The following IGSF21 variants were observed in gnomAD, a reference collection of about 807,000 sequenced individuals.
IGSF21 encodes immunoglobin superfamily member 21.
In IGSF21, 28 loss-of-function variants were observed where a neutral mutation model predicts 46.8. That is an observed-to-expected ratio of 0.60 (90% confidence interval 0.44 to 0.82). IGSF21 has a LOEUF of 0.82. Ranked by LOEUF, IGSF21 falls within the 40% of genes least tolerant of loss-of-function variation. The pLI, the probability that IGSF21 is intolerant of heterozygous loss-of-function variation, is 0.00. For missense variants in IGSF21, 624 were observed against 665.5 expected, an observed-to-expected ratio of 0.94 and a Z score of 0.69; for synonymous variants, 284 against 273.6, an observed-to-expected ratio of 1.04 and a Z score of -0.38.
Position 18,209,024 on chromosome 1 carries a change from T to TGGGGA in IGSF21, c.71-18871_71-18867dup, listed in dbSNP as rs1281801084. ...TTATCGTGGGGGTGAAGGTAGTGAC[T>TGGGGA]GGGGAGGAAGGAGAAGGTGGGAACT... On this transcript the variant is annotated intron_variant, in intron 1 of 9. Coordinates refer to ENST00000251296, the MANE Select transcript of IGSF21 (RefSeq NM_032880.5). Among the ~76,000 whole-genome samples, 7 of 152,224 alleles carry TGGGGA rather than the reference T, an allele frequency of 4.6e-5. No homozygotes were observed. The East Asian group carries it at 1.4e-3, about 29-fold the overall frequency.
chr1:18,359,499 G>C, intron 4 of IGSF21, among the ~76,000 whole-genome samples: 1 of 81,486 alleles, frequency 1.2e-5, no homozygotes, highest in Non-Finnish European at 2.6e-5. Flanking sequence ...AAGGAAGGAA[G>C]GAAGGAAGGA....
Position 18,128,701 on chromosome 1 carries a change from A to G in IGSF21, c.70+20503A>G, listed in dbSNP as rs1217455219. On this transcript the variant is annotated intron_variant, in intron 1 of 9. Coordinates refer to ENST00000251296, the MANE Select transcript of IGSF21 (RefSeq NM_032880.5). The stretch of plus-strand genomic sequence containing the variant: ...TTTGCAGATGAGGAGACTGAGACTC[A>G]GAGATGAAACTCCCCTAGTGGGTTT... Among the ~76,000 whole-genome samples, 3 of 152,192 alleles carry G rather than the reference A, an allele frequency of 2.0e-5. No homozygotes were observed. In the East Asian group the frequency reaches 5.8e-4, roughly 29 times the overall value.
chr1:18,108,985 A>ACTGTGTGTGTGT (rs148662186), intron 1 of IGSF21, among the ~76,000 whole-genome samples: 2 of 127,800 alleles, frequency 1.6e-5, no homozygotes, highest in Admixed American at 7.7e-5. Context: ...TGAGCAGCTC[A>ACTGTGTGTGTGT]GTGTGTGTGT....
At position 18,292,758 on chromosome 1, in the gene IGSF21, A is replaced by T. The variant is rs545861508; in HGVS notation, c.305+771A>T. 1.3e-3 allele frequency among the ~76,000 whole-genome samples: 205 copies of T among 152,212 alleles called. 4 individuals are homozygous for T. Among genetic ancestry groups the T allele is most frequent in the African/African-American group, 4.6e-3 (193 of 41,532 alleles). On this transcript the variant is annotated intron_variant, in intron 3 of 9. Coordinates refer to ENST00000251296, the MANE Select transcript of IGSF21 (RefSeq NM_032880.5). The stretch of plus-strand genomic sequence containing the variant: ...TCAGCCTTCAGAACCCCACTCCAGC[A>T]ATTCCACCCATGGGAGCCCTCACCT...
intron 2 of IGSF21, among the ~76,000 whole-genome samples, chr1:18,277,681 A>C (rs937585695): frequency 1.3e-5 from 2 of 152,254 alleles, no homozygotes; most frequent in African/African-American, 4.8e-5. Context: ...TTGACATGGA[A>C]TACTACTCAG....
In IGSF21 at chr1:18,365,259, G is replaced by A; in HGVS notation, c.577G>A (p.Val193Met). 1.2e-6 allele frequency: 2 copies of A among 1,612,010 alleles called. No homozygotes were observed. The highest frequency in any genetic ancestry group is 1.7e-6 in the Non-Finnish European group (2 of 1,178,798). The change falls in exon 6 of 10, where the codon GTG becomes ATG. Residue 193 changes from valine (V) to methionine (M), a missense_variant. Physicochemically the swap from Val to Met is conservative, Grantham distance 21. Transcript: ENST00000251296. This position sits in a 1 kb window ranked among gnomAD's most constrained non-coding sequence, Gnocchi z 4.8. ...FKRDGEPIDA[V>M]PLSEPPAASS... ...ACGAGATGGGGAACCAATCGACGCA[G>A]TGCCCCTATCAGAGCCACCAGCTGC...
At chr1:18,118,904 C>T (rs2086209936) in intron 1 of IGSF21, among the ~76,000 whole-genome samples, 1 of 143,638 alleles carries the variant, frequency 7.0e-6, no homozygotes. Flanking sequence ...CTTTCCTTCC[C>T]TCCCTCCCTC....
In IGSF21 at chr1:18,324,689, A is replaced by G. The variant is rs143094097; in HGVS notation, c.306-10203A>G. Reference sequence around the variant, plus strand: ...TTCTCCATGTACATTCTGTGCTCACAAGACAGGTCCCTTAGCTCAAGGGAG... The same window carrying G: ...TTCTCCATGTACATTCTGTGCTCACGAGACAGGTCCCTTAGCTCAAGGGAG... On this transcript the variant is annotated intron_variant, in intron 3 of 9. Coordinates refer to ENST00000251296, the MANE Select transcript of IGSF21 (RefSeq NM_032880.5). Among the ~76,000 whole-genome samples the G allele has an allele frequency of 1.4e-3, 217 of 152,244 alleles. 2 individuals are homozygous for G. Among genetic ancestry groups the G allele is most frequent in the African/African-American group, 4.9e-3 (202 of 41,554 alleles).
At chr1:18,262,297 C>T (rs185222646) in intron 2 of IGSF21, among the ~76,000 whole-genome samples, 24 of 152,208 alleles carry the variant, frequency 1.6e-4, no homozygotes, top group South Asian at 1.0e-3. Context: ...TTCTGGCGAC[C>T]GGATAAAGAA....
chr1:18,187,795 G>C (rs1290678264), intron 1 of IGSF21, among the ~76,000 whole-genome samples: 1 of 152,068 alleles, frequency 6.6e-6, no homozygotes, highest in East Asian at 1.9e-4. Context: ...TTCTGGGGGG[G>C]TGGGGGAGAC....
intron 3 of IGSF21, among the ~76,000 whole-genome samples, chr1:18,323,226 C>A (rs969008799): frequency 9.2e-5 from 14 of 152,192 alleles, no homozygotes; most frequent in Non-Finnish European, 8.8e-5. Flanking sequence ...ACTGGCAGGT[C>A]TGGGGTGTCC....
rs1557587076 is a variant in IGSF21, at chr1:18,206,036, ATGGGGC to A, written c.71-21859_71-21854del. ...CAAAATAGACAAAACCCATCCCCTC[ATGGGGC>A]TGACATTCTAGTCAAGGGGTAGATA... On this transcript the variant is annotated intron_variant, in intron 1 of 9. Transcript: ENST00000251296. Among the ~76,000 whole-genome samples, 29 of 152,368 alleles carry A rather than the reference ATGGGGC, an allele frequency of 1.9e-4. No individual in the cohort carries two copies. In the South Asian group the frequency reaches 4.3e-3, roughly 23 times the overall value.
chr1:18,184,234 C>T (rs1391347121), intron 1 of IGSF21, among the ~76,000 whole-genome samples: 2 of 152,152 alleles, frequency 1.3e-5, no homozygotes, highest in Non-Finnish European at 1.5e-5. Flanking sequence ...CACTTATGTC[C>T]ACCATGATTT....
At chr1:18,201,723 G>C (rs144761636) in intron 1 of IGSF21, among the ~76,000 whole-genome samples, 1 of 152,104 alleles carries the variant, frequency 6.6e-6, no homozygotes, top group East Asian at 1.9e-4. Context: ...GTGTCGGGGG[G>C]TCTGTCCGTT....
intron 1 of IGSF21, among the ~76,000 whole-genome samples, chr1:18,164,140 C>T (rs1557565502): frequency 6.6e-6 from 1 of 152,176 alleles, no homozygotes; most frequent in Non-Finnish European, 1.5e-5. Flanking sequence ...TGTATTATGA[C>T]TGCTCCCTTG....
intron 1 of IGSF21, among the ~76,000 whole-genome samples, chr1:18,178,039 T>TA (rs1246911301): frequency 2.6e-5 from 4 of 152,026 alleles, no homozygotes; most frequent in African/African-American, 9.7e-5. Flanking sequence ...CTGTAACAGA[T>TA]ATAACCTTGA....
At chr1:18,277,649 G>T (rs988888673) in intron 2 of IGSF21, among the ~76,000 whole-genome samples, 5 of 152,224 alleles carry the variant, frequency 3.3e-5, no homozygotes, top group African/African-American at 1.2e-4. Context: ...CAAAAGAACA[G>T]CTTAACAAAC....
At chr1:18,123,332 G>T (rs1157453267) in intron 1 of IGSF21, among the ~76,000 whole-genome samples, 2 of 152,192 alleles carry the variant, frequency 1.3e-5, no homozygotes, top group African/African-American at 4.8e-5. Context: ...AGTGACAAGG[G>T]ATGCTCCATT....
chr1:18,151,082 C>G (rs1048351151), intron 1 of IGSF21, among the ~76,000 whole-genome samples: 1 of 152,194 alleles, frequency 6.6e-6, no homozygotes, highest in Non-Finnish European at 1.5e-5. Flanking sequence ...CACAGAATAC[C>G]TGAGCGTCCC....
Sources: gnomAD v4.1 joint callset for allele counts (sites outside exome capture counted in the v4.1 genomes callset) on GRCh38, gnomAD v4.1.1 for gene constraint, Gnocchi (gnomAD v3.1) non-coding constraint, MANE v1.5 for transcripts, NCBI Gene and HGNC (gene_info 2026-07-23, HGNC 2026-07-21) for gene names.